Variants in PLEKHA8 observed in about 807,000 individuals in gnomAD.
PLEKHA8 encodes pleckstrin homology domain-containing family A member 8.
In PLEKHA8, 36 loss-of-function variants were observed where a neutral mutation model predicts 68.2. That is an observed-to-expected ratio of 0.53 (90% CI 0.40 to 0.70). The LOEUF is 0.70. Ranked by LOEUF, PLEKHA8 falls within the 30% of genes least tolerant of loss-of-function variation. PLEKHA8 has a pLI of 0.00. For synonymous variants in PLEKHA8, 211 were observed against 216.1 expected (o/e 0.98, Z 0.20); for missense variants, 505 against 615.4 (o/e 0.82, Z 1.90).
intron 13 of PLEKHA8, among the ~76,000 whole-genome samples, chr7:30,113,954 A>C (rs985367325): frequency 6.7e-6 from 1 of 149,948 alleles, no homozygotes. Context: ...GCTGGAATGC[A>C]GGGGCACAAT....
At chr7:30,041,632 C>T (rs1791545722) in intron 1 of PLEKHA8, among the ~76,000 whole-genome samples, 1 of 152,010 alleles carries the variant, frequency 6.6e-6, no homozygotes, top group African/African-American at 2.4e-5. Flanking sequence ...CAGCCTCAAG[C>T]AGTTGTCCTG....
rs983088669 is a variant in PLEKHA8 at position 30,084,419 on chromosome 7, ACTT to A, written c.*5636_*5638del. 39 of 985,274 alleles carry A rather than the reference ACTT, an allele frequency of 4.0e-5. No individual in the cohort carries two copies. The highest frequency in any genetic ancestry group is 4.6e-5 in the Non-Finnish European group (38 of 829,928). The allele number at this position is 985,274 out of a possible 1,614,324, so 61.0% of individuals were successfully genotyped here. ...TATAAAAGTGTCAAGTGGCTTGTTA[ACTT>A]CTTAATTTAATGGACCTTTACTTAG... On this transcript the variant is annotated 3_prime_UTR_variant, in exon 14 of 14. Coordinates refer to ENST00000449726, the MANE Select transcript of PLEKHA8 (RefSeq NM_001197026.2).
intron 13 of PLEKHA8, among the ~76,000 whole-genome samples, chr7:30,115,665 C>T (rs542920472): frequency 7.3e-5 from 11 of 151,510 alleles, no homozygotes; most frequent in African/African-American, 2.2e-4. Flanking sequence ...TACATGTATA[C>T]GTGTATACAT....
intron 1 of PLEKHA8, among the ~76,000 whole-genome samples, chr7:30,034,734 G>C (rs534532799): frequency 6.6e-6 from 1 of 152,138 alleles, no homozygotes; most frequent in African/African-American, 2.4e-5. Context: ...AAGAAAATCC[G>C]CATGTGCACG....
At chr7:30,090,337 G>GA (rs2076573169) in exon 13 of PLEKHA8, 3 of 837,866 alleles carry the variant, frequency 3.6e-6, no homozygotes, top group Non-Finnish European at 5.4e-6. Flanking sequence ...TTCTGAGTAG[G>GA]AAAAAAGAAT....
At chr7:30,053,038 A>G (rs921202383) in intron 7 of PLEKHA8, among the ~76,000 whole-genome samples, 172 bp downstream of exon 7, 15 of 152,308 alleles carry the variant, frequency 9.8e-5, no homozygotes, top group Admixed American at 2.0e-4. Context: ...CTTTCATCCA[A>G]TCTGACCTGG....
chr7:30,093,344 C>A (rs375432971), downstream of PLEKHA8, among the ~76,000 whole-genome samples: 38 of 152,322 alleles, frequency 2.5e-4, no homozygotes, highest in East Asian at 1.7e-3. Flanking sequence ...CTATTATTAA[C>A]CCCATTTATA....
chr7:30,056,326 A>ATATAT (rs1554385065), intron 9 of PLEKHA8, among the ~76,000 whole-genome samples: 1 of 131,614 alleles, frequency 7.6e-6, no homozygotes, highest in African/African-American at 2.8e-5. Context: ...ATATATATAT[A>ATATAT]TATATAAATA....
intron 9 of PLEKHA8, among the ~76,000 whole-genome samples, chr7:30,056,687 C>T (rs1320303878): frequency 7.2e-6 from 1 of 139,792 alleles, no homozygotes; most frequent in Non-Finnish European, 1.5e-5. Context: ...CGAGATTGCA[C>T]CACTGCACTC....
At chr7:30,116,303 T>C (rs1228395375) in intron 13 of PLEKHA8, among the ~76,000 whole-genome samples, 3 of 151,738 alleles carry the variant, frequency 2.0e-5, no homozygotes, top group South Asian at 2.1e-4. Context: ...TTCATACATG[T>C]ATACATATAT....
chr7:30,113,584 T>C (rs771225936), intron 13 of PLEKHA8, among the ~76,000 whole-genome samples: 11 of 152,222 alleles, frequency 7.2e-5, no homozygotes, highest in Non-Finnish European at 1.6e-4. Flanking sequence ...AGTGCATGCT[T>C]TTATTCTGCA....
At chr7:30,092,647 C>G (rs147522249), downstream of PLEKHA8, among the ~76,000 whole-genome samples, 61 of 152,254 alleles carry the variant, frequency 4.0e-4, no homozygotes, top group African/African-American at 1.4e-3. Context: ...TCCCCTTATT[C>G]GGAGCACACT....
chr7:30,072,023 C>T (rs914826223), intron 12 of PLEKHA8: 4 of 152,194 alleles, frequency 2.6e-5, no homozygotes, highest in African/African-American at 7.2e-5. Context: ...TCTGAAATTT[C>T]CCTGATGCCA....
At chr7:30,118,046 A>G in intron 13 of PLEKHA8, 1 of 1,505,916 alleles carries the variant, frequency 6.6e-7, no homozygotes, top group Non-Finnish European at 8.8e-7. Flanking sequence ...CCTGCAGGAC[A>G]TGATGACCCA....
intron 13 of PLEKHA8, among the ~76,000 whole-genome samples, chr7:30,116,527 C>G (rs954497411): frequency 3.9e-5 from 6 of 152,110 alleles, no homozygotes; most frequent in African/African-American, 1.2e-4. Flanking sequence ...ATTAGCTGTT[C>G]TGCAAATCTA....
intron 1 of PLEKHA8, among the ~76,000 whole-genome samples, chr7:30,032,146 T>C (rs926392490): frequency 3.9e-5 from 6 of 152,228 alleles, no homozygotes; most frequent in African/African-American, 1.4e-4. Flanking sequence ...GACATACTTC[T>C]AAAGAAGCAC....
At chr7:30,062,051 C>T in intron 11 of PLEKHA8, 24 bp downstream of exon 11, 1 of 1,587,230 alleles carries the variant, frequency 6.3e-7, no homozygotes. Context: ...GGTGGGACAG[C>T]AGTTAAAATC....
chr7:30,055,372 T>A (rs759124665), intron 9 of PLEKHA8, 30 bp downstream of exon 9: 1 of 1,588,584 alleles, frequency 6.3e-7, no homozygotes. Flanking sequence ...CTTACATTCA[T>A]TCATGTCTAG....
chr7:30,116,044 AC>A (rs1272052649), intron 13 of PLEKHA8: 1 of 149,730 alleles, frequency 6.7e-6, no homozygotes, highest in East Asian at 2.0e-4. Flanking sequence ...ATGTGCGCAT[AC>A]GCATACATAC....
Sources: allele counts gnomAD v4.1 joint callset (sites outside exome capture counted in the v4.1 genomes callset), GRCh38; gene constraint gnomAD v4.1.1; transcripts MANE v1.5; gene names NCBI Gene and HGNC (gene_info 2026-07-23, HGNC 2026-07-21).